PRR5L: variants seen among roughly 807,000 people sequenced by gnomAD.
The protein encoded by PRR5L is proline-rich protein 5-like.
Under a neutral mutation model 36.4 loss-of-function variants are expected in PRR5L, and 21 were observed. The observed-to-expected ratio is 0.58, with a 90% CI of 0.41 to 0.83. PRR5L has a LOEUF of 0.83. PRR5L is among the 40% of genes least tolerant of loss of function. PRR5L has a pLI of 0.00. For missense variants in PRR5L, 381 were observed against 473.3 expected, an observed-to-expected ratio of 0.80 and a Z score of 1.81; for synonymous variants, 188 against 197.0, an observed-to-expected ratio of 0.95 and a Z score of 0.38.
At chr11:36,374,075 TTCCTTCCTTC>T (rs1857225066) in intron 1 of PRR5L, among the ~76,000 whole-genome samples, 1 of 112,980 alleles carries the variant, frequency 8.9e-6, no homozygotes, top group South Asian at 3.1e-4. Flanking sequence ...CCTTCCTTCC[TTCCTTCCTTC>T]CTTCCTTCCT....
At chr11:36,334,251 A>G (rs998532786) in intron 1 of PRR5L, among the ~76,000 whole-genome samples, 3 of 152,210 alleles carry the variant, frequency 2.0e-5, no homozygotes, top group Admixed American at 6.5e-5. Flanking sequence ...GGGAGAAAGG[A>G]AAAATGGATA....
intron 6 of PRR5L, among the ~76,000 whole-genome samples, chr11:36,438,948 A>C (rs1008581716): frequency 1.3e-5 from 2 of 152,104 alleles, no homozygotes; most frequent in Non-Finnish European, 2.9e-5. Flanking sequence ...ATAAATAAAT[A>C]CTACGGGATG....
At chr11:36,398,893 A>T (rs1032397549) in intron 1 of PRR5L, 1 of 152,228 alleles carries the variant, frequency 6.6e-6, no homozygotes, top group African/African-American at 2.4e-5. Context: ...GTGCCATGGA[A>T]TGAGAGGCAG....
At chr11:36,457,271 G>A (rs546844794) in intron 8 of PRR5L, among the ~76,000 whole-genome samples, 4 of 152,248 alleles carry the variant, frequency 2.6e-5, no homozygotes, top group Non-Finnish European at 5.9e-5. Flanking sequence ...TATCTTTCCA[G>A]ATACCCCTTC....
At chr11:36,409,688 G>A (rs1857985274) in intron 3 of PRR5L, among the ~76,000 whole-genome samples, 1 of 152,198 alleles carries the variant, frequency 6.6e-6, no homozygotes, top group Non-Finnish European at 1.5e-5. Context: ...GATGCCACGA[G>A]GTAATGATAA....
At chr11:36,331,448 G>C (rs1025876691) in intron 1 of PRR5L, among the ~76,000 whole-genome samples, 1 of 152,078 alleles carries the variant, frequency 6.6e-6, no homozygotes, top group Non-Finnish European at 1.5e-5. Context: ...AAAAGATTTG[G>C]TTCTCTTAAA....
chr11:36,404,711 G>A (rs1041719093), intron 3 of PRR5L, among the ~76,000 whole-genome samples: 1 of 152,194 alleles, frequency 6.6e-6, no homozygotes, highest in African/African-American at 2.4e-5. Context: ...GTTAAGGCCT[G>A]CATTAAGGTC....
At chr11:36,453,717 C>T (rs1406441871) in intron 8 of PRR5L, among the ~76,000 whole-genome samples, 2 of 152,262 alleles carry the variant, frequency 1.3e-5, no homozygotes, top group Admixed American at 6.5e-5. Context: ...TCAGTGTACA[C>T]ATGTTCTGAG....
intron 3 of PRR5L, among the ~76,000 whole-genome samples, chr11:36,405,744 T>C (rs1267329304): frequency 1.3e-5 from 2 of 152,342 alleles, no homozygotes; most frequent in Admixed American, 6.5e-5. Flanking sequence ...CTCAATGTCC[T>C]GGAGGCTGGG....
chr11:36,432,916 T>C (rs1858531297), intron 5 of PRR5L, among the ~76,000 whole-genome samples: 1 of 152,146 alleles, frequency 6.6e-6, no homozygotes, highest in Non-Finnish European at 1.5e-5. Context: ...AGTTCCAAGG[T>C]CTGGCAAACA....
intron 8 of PRR5L, 117 bp from the exon 9 acceptor site, chr11:36,462,225 C>T (rs565839810): frequency 2.0e-6 from 2 of 1,009,976 alleles, no homozygotes; most frequent in Admixed American, 5.6e-5. Context: ...CAGGGCTGCA[C>T]CTAAGAGCTG....
At chr11:36,401,448 A>G (rs1857794767) in intron 2 of PRR5L, among the ~76,000 whole-genome samples, 163 bp downstream of exon 2, 1 of 152,120 alleles carries the variant, frequency 6.6e-6, no homozygotes, top group South Asian at 2.1e-4. Context: ...TTTAAGAGAC[A>G]GGGTCTCACT....
At chr11:36,384,987 T>C (rs960633694) in intron 1 of PRR5L, among the ~76,000 whole-genome samples, 7 of 152,108 alleles carry the variant, frequency 4.6e-5, no homozygotes, top group African/African-American at 1.2e-4. Flanking sequence ...CCTTTTCTTA[T>C]GAAAAAACCA....
intron 1 of PRR5L, among the ~76,000 whole-genome samples, chr11:36,307,989 G>A (rs1856452875): frequency 6.6e-6 from 1 of 152,164 alleles, no homozygotes; most frequent in Non-Finnish European, 1.5e-5. Flanking sequence ...CCCAATCTAG[G>A]TCACTTACCT....
chr11:36,437,112 T>C (rs1858620856), intron 5 of PRR5L, among the ~76,000 whole-genome samples: 1 of 152,200 alleles, frequency 6.6e-6, no homozygotes, highest in Non-Finnish European at 1.5e-5. Context: ...AAGTTTAGAT[T>C]ACTTATTAGT....
At chr11:36,350,972 ATATATATT>A (rs1251046980) in intron 1 of PRR5L, among the ~76,000 whole-genome samples, 1,947 of 48,350 alleles carry the variant, frequency 0.04, 350 homozygotes, top group South Asian at 0.064. Flanking sequence ...TTATATATTT[ATATATATT>A]TATATATTTA....
At chr11:36,427,212 TTTTC>T (rs1858400443) in intron 4 of PRR5L, among the ~76,000 whole-genome samples, 1 of 152,208 alleles carries the variant, frequency 6.6e-6, no homozygotes, top group South Asian at 2.1e-4. Flanking sequence ...CGTCAGCTGT[TTTTC>T]TTTTTCACTT....
intron 1 of PRR5L, among the ~76,000 whole-genome samples, chr11:36,317,614 C>G (rs953002561): frequency 2.0e-5 from 3 of 152,160 alleles, no homozygotes; most frequent in African/African-American, 7.2e-5. Flanking sequence ...GTTGGTTCAG[C>G]TTTAGGTTGT....
chr11:36,303,691 G>A (rs770605173), intron 1 of PRR5L, among the ~76,000 whole-genome samples: 47 of 152,184 alleles, frequency 3.1e-4, no homozygotes, highest in South Asian at 6.2e-4. Context: ...GTGATGTGAC[G>A]TATGCACCTG....
Sources: allele counts gnomAD v4.1 joint callset (sites outside exome capture counted in the v4.1 genomes callset), GRCh38; gene constraint gnomAD v4.1.1; transcripts MANE v1.5; gene names NCBI Gene and HGNC (gene_info 2026-07-23, HGNC 2026-07-21).